ITPR1: variants seen among roughly 807,000 people sequenced by gnomAD.
ITPR1 encodes inositol 1,4,5-trisphosphate-gated calcium channel ITPR1.
Under a neutral mutation model 318.4 loss-of-function variants are expected in ITPR1, and 96 were observed. The ratio of observed to expected loss-of-function variants is 0.30; its 90% CI spans 0.26 to 0.36. The LOEUF is 0.36. ITPR1 is among the 10% of genes least tolerant of loss of function. The probability of loss-of-function intolerance (pLI) is 1.00; values close to 1 mark genes in which losing one functional copy is unlikely to be tolerated. For synonymous variants in ITPR1, 1,312 were observed against 1,289.9 expected, an observed-to-expected ratio of 1.02 and a Z score of -0.37; for missense variants, 2,440 against 3,460.2, an observed-to-expected ratio of 0.71 and a Z score of 7.40.
At chr3:4,581,508 A>C (rs965775488) in intron 4 of ITPR1, among the ~76,000 whole-genome samples, 1 of 152,144 alleles carries the variant, frequency 6.6e-6, no homozygotes, top group Admixed American at 6.6e-5. Context: ...GGTAGTGGTA[A>C]TCTATATTGG....
chr3:4,578,025 G>T (rs772174616), intron 4 of ITPR1, among the ~76,000 whole-genome samples: 1 of 152,276 alleles, frequency 6.6e-6, no homozygotes, highest in African/African-American at 2.4e-5. Flanking sequence ...ACCAGTGCCA[G>T]TGAAACTGTG....
intron 60 of ITPR1, among the ~76,000 whole-genome samples, chr3:4,831,590 A>G (rs766472383): frequency 6.6e-6 from 1 of 152,182 alleles, no homozygotes; most frequent in Admixed American, 6.5e-5. Flanking sequence ...ACACACCCCA[A>G]GATAATTCAC....
chr3:4,810,552 ACCAG>A (rs998744640), intron 55 of ITPR1, among the ~76,000 whole-genome samples: 1 of 152,212 alleles, frequency 6.6e-6, no homozygotes, highest in African/African-American at 2.4e-5. Context: ...CCTGCGATAC[ACCAG>A]CTATGTGACC....
chr3:4,821,550 G>C (rs2049718868), intron 60 of ITPR1, among the ~76,000 whole-genome samples: 1 of 152,218 alleles, frequency 6.6e-6, no homozygotes, highest in East Asian at 1.9e-4. Context: ...AACCCAGGCT[G>C]ACTTGGAAAG....
chr3:4,645,803 C>CTCT, intron 10 of ITPR1, 75 bp downstream of exon 10: 1 of 1,363,802 alleles, frequency 7.3e-7, no homozygotes, highest in Non-Finnish European at 1.0e-6. Flanking sequence ...CTCTCTCTAT[C>CTCT]CTACAAATAT....
chr3:4,699,747 T>G, intron 34 of ITPR1, 66 bp from the exon 35 acceptor site: 2 of 1,522,662 alleles, frequency 1.3e-6, no homozygotes, highest in South Asian at 1.2e-5. Context: ...CAGGAGGGAG[T>G]CGCAGATTTC....
At chr3:4,591,549 C>G (rs1332202121) in intron 4 of ITPR1, among the ~76,000 whole-genome samples, 2 of 152,138 alleles carry the variant, frequency 1.3e-5, no homozygotes, top group African/African-American at 4.8e-5. Flanking sequence ...TTCCTTGTTT[C>G]TTCCTAAGGG....
intron 4 of ITPR1, among the ~76,000 whole-genome samples, chr3:4,551,206 C>T (rs2085532952): frequency 6.6e-6 from 1 of 152,162 alleles, no homozygotes; most frequent in Non-Finnish European, 1.5e-5. Context: ...TGCTCTTATT[C>T]TTGTCTTGGT....
At chr3:4,611,587 A>AATAAATAAATAC (rs1199187134) in intron 4 of ITPR1, among the ~76,000 whole-genome samples, 7 of 151,314 alleles carry the variant, frequency 4.6e-5, no homozygotes, top group African/African-American at 1.7e-4. Context: ...TAAATAAATA[A>AATAAATAAATAC]ATAAATAAAT....
At chr3:4,548,727 T>C (rs574338224) in intron 4 of ITPR1, among the ~76,000 whole-genome samples, 1 of 152,158 alleles carries the variant, frequency 6.6e-6, no homozygotes, top group African/African-American at 2.4e-5. Context: ...AGTAACTAAA[T>C]TGAAAAGCCA....
chr3:4,710,061 T>G lies in ITPR1; in HGVS notation c.4843-264T>G, dbSNP rs942332036. Among the ~76,000 whole-genome samples, 1 of 152,356 alleles carries G rather than the reference T, an allele frequency of 6.6e-6. No homozygotes were observed. Among genetic ancestry groups the G allele is most frequent in the South Asian group, 2.1e-4 (1 of 4,828 alleles). ...GCGTCATATTTTAAGCTACATGCAG[T>G]GGTACCTTGAGTAGCATAAGGGCCA... On this transcript the variant is annotated intron_variant, in intron 37 of 61. Transcript: ENST00000649015. The surrounding 1 kb of genome is among the most constrained non-coding windows in gnomAD (Gnocchi z 4.2).
At chr3:4,648,083 C>G (rs544552668) in intron 10 of ITPR1, among the ~76,000 whole-genome samples, 2 of 151,802 alleles carry the variant, frequency 1.3e-5, no homozygotes, top group African/African-American at 4.8e-5. Flanking sequence ...ATCCAGGAGG[C>G]GGAGGTTGTG....
At position 4,676,605 on chromosome 3, in the gene ITPR1, C is replaced by G; in HGVS notation, c.2780-9C>G. 6.2e-7 allele frequency: 1 copy of G among 1,612,538 alleles called. No homozygotes were observed. Among genetic ancestry groups the G allele is most frequent in the Non-Finnish European group, 8.5e-7 (1 of 1,179,112 alleles). ...CATTGTGACCGTGGTCTCTCCTGGC[C>G]TTTCCTAGGCAGTAACGTGATGAGA... On this transcript the variant is annotated splice_polypyrimidine_tract_variant and intron_variant, in intron 23 of 61. Transcript: ENST00000649015.
chr3:4,599,492 G>A (rs927357515), intron 4 of ITPR1, among the ~76,000 whole-genome samples: 3 of 152,180 alleles, frequency 2.0e-5, no homozygotes, highest in African/African-American at 7.2e-5. Flanking sequence ...CAGAAACTAA[G>A]TAAAGCTTTC....
intron 56 of ITPR1, among the ~76,000 whole-genome samples, chr3:4,812,459 A>G (rs2049000124): frequency 2.0e-5 from 3 of 152,192 alleles, no homozygotes; most frequent in Admixed American, 2.0e-4. Flanking sequence ...TTTTACAGTG[A>G]GCTCATGTTA....
intron 4 of ITPR1, among the ~76,000 whole-genome samples, chr3:4,524,300 CGTTTTTTTT>C (rs2082798670): frequency 1.7e-5 from 1 of 58,336 alleles, no homozygotes; most frequent in African/African-American, 4.9e-5. Flanking sequence ...CATACTTTGA[CGTTTTTTTT>C]TTTTTTTTTT....
intron 4 of ITPR1, among the ~76,000 whole-genome samples, chr3:4,557,998 T>C (rs1460704765): frequency 6.6e-6 from 1 of 152,212 alleles, no homozygotes; most frequent in Non-Finnish European, 1.5e-5. Flanking sequence ...CTTTTCTCTT[T>C]CCTACAAGAA....
At chr3:4,623,296 A>G (rs530225791) in intron 4 of ITPR1, among the ~76,000 whole-genome samples, 1 of 152,190 alleles carries the variant, frequency 6.6e-6, no homozygotes, top group African/African-American at 2.4e-5. Flanking sequence ...CAGCCCCTTA[A>G]CGCCTGCTTC....
At chr3:4,542,217 C>A (rs998930547) in intron 4 of ITPR1, among the ~76,000 whole-genome samples, 2 of 152,164 alleles carry the variant, frequency 1.3e-5, no homozygotes, top group Non-Finnish European at 2.9e-5. Context: ...TAGGTGCTAT[C>A]TCTACAGATC....
Sources: allele counts gnomAD v4.1 joint callset (sites outside exome capture counted in the v4.1 genomes callset), GRCh38; gene constraint gnomAD v4.1.1; non-coding constraint Gnocchi (gnomAD v3.1); transcripts MANE v1.5; gene names NCBI Gene and HGNC (gene_info 2026-07-23, HGNC 2026-07-21).